Variants in PTPRB observed in about 807,000 individuals in gnomAD.
PTPRB encodes receptor-type tyrosine-protein phosphatase beta.
Under a neutral mutation model 238.1 loss-of-function variants are expected in PTPRB, and 97 were observed. That is an observed-to-expected ratio of 0.41 (90% CI 0.35 to 0.48). The LOEUF (loss-of-function observed/expected upper bound fraction) is 0.48. Among genes scored for constraint, PTPRB ranks in the 20% least tolerant of loss-of-function variants. The pLI is 0.30. For missense variants in PTPRB, 2,292 were observed against 2,681.9 expected (o/e 0.85, Z 3.21); for synonymous variants, 970 against 995.4 (o/e 0.97, Z 0.48).
At chr12:70,632,649 T>C (rs376015555) in intron 2 of PTPRB, among the ~76,000 whole-genome samples, 83 of 152,234 alleles carry the variant, frequency 5.5e-4, no homozygotes, top group African/African-American at 1.9e-3. Context: ...GAAAGTACTT[T>C]CTTCTCTCTA....
intron 30 of PTPRB, 57 bp from the exon 31 acceptor site, chr12:70,534,708 T>G: frequency 6.2e-7 from 1 of 1,601,800 alleles, no homozygotes; most frequent in South Asian, 1.1e-5. Context: ...CCTTCAAACT[T>G]GACAGCTGAG....
intron 32 of PTPRB, 139 bp from the exon 33 acceptor site, chr12:70,524,730 A>T: frequency 1.1e-6 from 1 of 899,094 alleles, no homozygotes; most frequent in Non-Finnish European, 1.6e-6. Flanking sequence ...GGTCTCTGGT[A>T]AATAAAAGAG....
At chr12:70,546,136 CAAAAA>C (rs35320376) in intron 21 of PTPRB, among the ~76,000 whole-genome samples, 2 of 81,972 alleles carry the variant, frequency 2.4e-5, no homozygotes, top group Admixed American at 1.2e-4. Context: ...GACTCCACCT[CAAAAA>C]AAAAAAAAAA....
intron 8 of PTPRB, among the ~76,000 whole-genome samples, chr12:70,588,315 A>C (rs1882146777): frequency 6.6e-6 from 1 of 152,160 alleles, no homozygotes; most frequent in African/African-American, 2.4e-5. Flanking sequence ...AGTTACCTGA[A>C]TAAGGTGAAC....
chr12:70,576,666 GGGCGGGGGGGGGGGGGAA>G, intron 10 of PTPRB, 21 bp from the exon 11 acceptor site: 1 of 281,960 alleles, frequency 3.5e-6, no homozygotes, highest in Non-Finnish European at 6.4e-6. Context: ...GAAAGGTGGG[GGGCGGGGGGGGGGGGGAA>G]GGGGGATTCA....
chr12:70,564,890 A>AATAG (rs201293548), intron 15 of PTPRB, among the ~76,000 whole-genome samples: 1,530 of 147,582 alleles, frequency 0.01, 18 homozygotes, highest in African/African-American at 0.024. Flanking sequence ...AATAATAATA[A>AATAG]ATAGATAGAT....
intron 5 of PTPRB, 55 bp downstream of exon 5, chr12:70,595,994 T>C: frequency 7.2e-7 from 1 of 1,388,560 alleles, no homozygotes; most frequent in East Asian, 2.5e-5. Context: ...TTGAATAAAG[T>C]ATAACTTGAA....
intron 9 of PTPRB, among the ~76,000 whole-genome samples, chr12:70,583,087 T>C (rs901164252): frequency 6.6e-6 from 1 of 152,118 alleles, no homozygotes; most frequent in South Asian, 2.1e-4. Flanking sequence ...ACGGAGGAAG[T>C]GGAAATTTCA....
At chr12:70,623,430 T>A (rs1566021202) in intron 2 of PTPRB, among the ~76,000 whole-genome samples, 1 of 152,242 alleles carries the variant, frequency 6.6e-6, no homozygotes. Context: ...ATCTTGCTAA[T>A]GTGCAAATTC....
rs550314272 is a variant in PTPRB at position 70,568,438 on chromosome 12, C to T, written c.3634+1237G>A. 8.5e-5 allele frequency among the ~76,000 whole-genome samples: 11 copies of T among 129,768 alleles called. No homozygotes were observed. In the East Asian group the frequency reaches 2.1e-3, roughly 25 times the overall value. The allele number at this position is 129,768 out of a possible 152,430, so 85.1% of individuals were successfully genotyped here. A position where few individuals can be genotyped will look rare whatever the true frequency, so the allele number is the denominator to read the frequency against. ...TCAGCCTCCCGAGTAGCTGGGACTACAGGCGTCTGCCATCACACCCAGCTA... is the reference window on the plus strand; with the variant it reads ...TCAGCCTCCCGAGTAGCTGGGACTATAGGCGTCTGCCATCACACCCAGCTA... On this transcript the variant is annotated intron_variant, in intron 14 of 33. Transcript: ENST00000334414.
In PTPRB at chr12:70,519,332, T is replaced by C. The variant is rs1871434072; in HGVS notation, c.*2157A>G. The C allele has an allele frequency of 6.6e-6, 1 of 152,174 alleles. No individual in the cohort carries two copies. The highest frequency in any genetic ancestry group is 1.5e-5 in the Non-Finnish European group (1 of 68,028). The allele number at this position is 152,174 out of a possible 1,614,324, so 9.4% of individuals were successfully genotyped here. A position where few individuals can be genotyped will look rare whatever the true frequency, so the allele number is the denominator to read the frequency against. On this transcript the variant is annotated 3_prime_UTR_variant, in exon 34 of 34. Transcript: ENST00000334414. Reference sequence around the variant, plus strand: ...TGCTATTAAAGTAGCATTAGCACTTTCCAGTGTGTGGCCTGTGGAAGGTGA... The same window carrying C: ...TGCTATTAAAGTAGCATTAGCACTTCCCAGTGTGTGGCCTGTGGAAGGTGA...
At chr12:70,549,752 C>T (rs3825187) in intron 21 of PTPRB, among the ~76,000 whole-genome samples, 26,959 of 152,068 alleles carry the variant, frequency 0.18, 2,941 homozygotes, top group Middle Eastern at 0.3. Context: ...CTTTGGGAGA[C>T]GACACCTCCT....
chr12:70,569,597 G>T, intron 14 of PTPRB, 78 bp downstream of exon 14: 1 of 1,542,230 alleles, frequency 6.5e-7, no homozygotes, highest in Non-Finnish European at 8.9e-7. Context: ...TTTGTGAATA[G>T]CTGAGCCCGT....
At position 70,571,027 on chromosome 12, in the gene PTPRB, T is replaced by C. The variant is rs1879973686; in HGVS notation, c.3369A>G (p.Thr1123=). ...VQQSAFIEGF[T]VPSAVKNIHI... is the part of the protein sequence containing the mutation. ...TTCAAGAACAGTATTTCACATTACC[T>C]GTGAAGCCCTCAATGAAGGCTGACT... Residue 1123 remains threonine (T), a splice_region_variant and synonymous_variant, in exon 13 of 34, where the codon ACA becomes ACG. Transcript: ENST00000334414. The C allele has an allele frequency of 6.2e-7, 1 of 1,613,734 alleles. No individual in the cohort carries two copies. The highest frequency in any genetic ancestry group is 1.1e-5 in the South Asian group (1 of 91,068).
Position 70,552,776 on chromosome 12 carries a change from C to T in PTPRB, c.5387+1G>A. 1 of 1,613,854 alleles carries T rather than the reference C, an allele frequency of 6.2e-7. No homozygotes were observed. On this transcript the variant is annotated splice_donor_variant, in intron 21 of 33. Coordinates refer to ENST00000334414, the MANE Select transcript of PTPRB (RefSeq NM_001109754.4). LOFTEE classifies it high-confidence loss of function. ...AGCAAAACAGTGGTAATATATCTAA[C>T]CTGTAGGCAGTGTGTGGCTTCAGTG...
chr12:70,580,342 T>C (rs1444860770), intron 10 of PTPRB, among the ~76,000 whole-genome samples: 1 of 152,246 alleles, frequency 6.6e-6, no homozygotes, highest in East Asian at 1.9e-4. Flanking sequence ...GAGATCATTT[T>C]CTTTTTATGT....
chr12:70,554,799 C>T (rs544638836), intron 20 of PTPRB, among the ~76,000 whole-genome samples: 1 of 152,192 alleles, frequency 6.6e-6, no homozygotes, highest in South Asian at 2.1e-4. Context: ...GAGTAGTGAA[C>T]AAGACTGACC....
intron 3 of PTPRB, among the ~76,000 whole-genome samples, chr12:70,620,104 C>G (rs141373820): frequency 3.3e-5 from 5 of 152,312 alleles, no homozygotes; most frequent in African/African-American, 1.2e-4. Context: ...ATAGTTAAAA[C>G]TTTGCTTAAG....
In PTPRB at chr12:70,603,871, T is replaced by C. The variant is rs1451700394; in HGVS notation, c.979+5198A>G. ...TTCAAAACTCAACTCTTAGTCTCTATGCAAACTGCCCTTTCACAATACCCC... is the reference window on the plus strand; with the variant it reads ...TTCAAAACTCAACTCTTAGTCTCTACGCAAACTGCCCTTTCACAATACCCC... On this transcript the variant is annotated intron_variant, in intron 4 of 33. Transcript: ENST00000334414. Among the ~76,000 whole-genome samples the C allele has an allele frequency of 3.9e-5, 6 of 152,356 alleles. No individual in the cohort carries two copies. In the East Asian group the frequency reaches 1.2e-3, roughly 29 times the overall value.
Sources: allele counts gnomAD v4.1 joint callset (sites outside exome capture counted in the v4.1 genomes callset), GRCh38; gene constraint gnomAD v4.1.1; transcripts MANE v1.5; gene names NCBI Gene and HGNC (gene_info 2026-07-23, HGNC 2026-07-21).